The following AP1AR variants were observed in gnomAD, a reference collection of about 807,000 sequenced individuals.
AP1AR encodes adaptor related protein complex 1 associated regulatory protein, also known as AP-1 complex-associated regulatory protein.
A neutral mutation model predicts 46.3 loss-of-function variants in AP1AR; 29 were observed. That is an observed-to-expected ratio of 0.63 (90% CI 0.47 to 0.85). The LOEUF (loss-of-function observed/expected upper bound fraction) is 0.85, where lower values mean the gene tolerates loss of function less well. Ranked by LOEUF, AP1AR falls within the 40% of genes least tolerant of loss-of-function variation. The pLI is 0.00. For missense variants in AP1AR, 357 were observed against 356.3 expected, an observed-to-expected ratio of 1.00 and a Z score of -0.02; for synonymous variants, 122 against 122.9, an observed-to-expected ratio of 0.99 and a Z score of 0.05.
rs1194236697 is a variant in AP1AR, at chr4:112,270,020, G to A, written c.*1611G>A. The A allele has an allele frequency of 1.3e-5, 2 of 152,448 alleles. No individual in the cohort carries two copies. Among genetic ancestry groups the A allele is most frequent in the Non-Finnish European group, 2.9e-5 (2 of 67,960 alleles). The allele number at this position is 152,448 out of a possible 1,614,324, so 9.4% of individuals were successfully genotyped here. Reference sequence around the variant, plus strand: ...TGGTAACAAATGGTAATTTACAAATGGTTGTGAATAAACACATTTTTACAC... The same window carrying A: ...TGGTAACAAATGGTAATTTACAAATAGTTGTGAATAAACACATTTTTACAC... On this transcript the variant is annotated 3_prime_UTR_variant, in exon 10 of 10. Coordinates refer to ENST00000274000, the MANE Select transcript of AP1AR (RefSeq NM_018569.6).
chr4:112,253,359 C>T, intron 2 of AP1AR, 103 bp downstream of exon 2: 2 of 803,028 alleles, frequency 2.5e-6, no homozygotes, highest in Non-Finnish European at 4.2e-6. Context: ...TTAGAATGGA[C>T]TGTTTATATT....
intron 1 of AP1AR, among the ~76,000 whole-genome samples, chr4:112,233,250 CTCAT>C (rs1316713424): frequency 2.4e-4 from 37 of 152,252 alleles, no homozygotes; most frequent in Admixed American, 9.1e-4. Flanking sequence ...ATATAGGATT[CTCAT>C]TCATTAATTA....
Position 112,268,591 on chromosome 4 carries a change from A to G in AP1AR, c.*182A>G. ...CTGAATTGATACAGAATTAAGTGCA[A>G]TTTCATCATCTGCCTTCTGCTTTTC... On this transcript the variant is annotated 3_prime_UTR_variant, in exon 10 of 10. Transcript: ENST00000274000. 2.0e-6 allele frequency: 1 copy of G among 492,582 alleles called. No individual in the cohort carries two copies. Among genetic ancestry groups the G allele is most frequent in the Non-Finnish European group, 3.3e-6 (1 of 305,370 alleles). The allele number at this position is 492,582 out of a possible 1,614,324, so 30.5% of individuals were successfully genotyped here.
At position 112,272,511 on chromosome 4, in the gene AP1AR, A is replaced by G. The variant is rs530270098; in HGVS notation, c.*4102A>G. ...CTAAGAGAGCATGTGCATAACTTCA[A>G]TCACCAAAAGGCCCTTCCAGATACT... On this transcript the variant is annotated 3_prime_UTR_variant, in exon 10 of 10. Coordinates refer to ENST00000274000, the MANE Select transcript of AP1AR (RefSeq NM_018569.6). 4.6e-5 allele frequency among the ~76,000 whole-genome samples: 7 copies of G among 152,276 alleles called. No homozygotes were observed. In the South Asian group the frequency reaches 6.2e-4, roughly 14 times the overall value.
At chr4:112,239,148 C>T (rs1352808952) in intron 1 of AP1AR, among the ~76,000 whole-genome samples, 2 of 152,138 alleles carry the variant, frequency 1.3e-5, no homozygotes, top group Non-Finnish European at 2.9e-5. Context: ...CTGATACGCC[C>T]TTTTGAACTT....
In AP1AR at chr4:112,269,541, A is replaced by C. The variant is rs891010310; in HGVS notation, c.*1132A>C. The C allele has an allele frequency of 6.6e-6, 1 of 152,406 alleles. No individual in the cohort carries two copies. The highest frequency in any genetic ancestry group is 2.4e-5 in the African/African-American group (1 of 41,426). 9.4% of individuals were successfully genotyped at this position (152,406 alleles called of 1,614,324 possible). A position where few individuals can be genotyped will look rare whatever the true frequency, so the allele number is the denominator to read the frequency against. ...AGGATTTGGTATGATTTTAGTAAGC[A>C]AACTGTTTTTTGGTTTTTCCTTAAT... is the stretch of plus-strand genomic sequence containing the variant. On this transcript the variant is annotated 3_prime_UTR_variant, in exon 10 of 10. Coordinates refer to ENST00000274000, the MANE Select transcript of AP1AR (RefSeq NM_018569.6).
Position 112,232,028 on chromosome 4 carries a change from C to T in AP1AR, c.-64C>T. On this transcript the variant is annotated 5_prime_UTR_variant, in exon 1 of 10. Coordinates refer to ENST00000274000, the MANE Select transcript of AP1AR (RefSeq NM_018569.6). ...GCTCGTGCCGTGCGGATGCAGCTGCCGGGCCTGGGTTTGGGCATTGAGCGG... is the reference window on the plus strand; with the variant it reads ...GCTCGTGCCGTGCGGATGCAGCTGCTGGGCCTGGGTTTGGGCATTGAGCGG... 3 of 1,298,374 alleles carry T rather than the reference C, an allele frequency of 2.3e-6. No individual in the cohort carries two copies. The highest frequency in any genetic ancestry group is 4.0e-5 in the Admixed American group (1 of 25,164). 80.4% of individuals were successfully genotyped at this position (1,298,374 alleles called of 1,614,324 possible). A position where few individuals can be genotyped will look rare whatever the true frequency, so the allele number is the denominator to read the frequency against.
In AP1AR at chr4:112,254,758, A is replaced by G. The variant is rs772923933; in HGVS notation, c.144A>G (p.Leu48=). 1.3e-6 allele frequency: 2 copies of G among 1,505,446 alleles called. No individual in the cohort carries two copies. Among genetic ancestry groups the G allele is most frequent in the South Asian group, 1.3e-5 (1 of 76,410 alleles). 93.3% of individuals were successfully genotyped at this position (1,505,446 alleles called of 1,614,324 possible). A position where few individuals can be genotyped will look rare whatever the true frequency, so the allele number is the denominator to read the frequency against. Reference sequence around the variant, plus strand: ...TTTTGTCCTTTCAGTTTGAGAATCTAGTAGAAAGTGATGAAGTAAGTATTT... The same window carrying G: ...TTTTGTCCTTTCAGTTTGAGAATCTGGTAGAAAGTGATGAAGTAAGTATTT... ...GEHLTIEFEN[L]VESDEGESPG... is the part of the protein sequence containing the mutation. Residue 48 remains leucine (L), a synonymous_variant, in exon 3 of 10, where the codon CTA becomes CTG. Coordinates refer to ENST00000274000, the MANE Select transcript of AP1AR (RefSeq NM_018569.6).
intron 2 of AP1AR, 54 bp downstream of exon 2, chr4:112,253,310 G>A: frequency 7.2e-7 from 1 of 1,379,922 alleles, no homozygotes; most frequent in Non-Finnish European, 1.0e-6. Context: ...AGGCGGAAGG[G>A]GCTTTTTGTT....
intron 6 of AP1AR, among the ~76,000 whole-genome samples, chr4:112,264,605 A>G (rs1367389669): frequency 6.6e-6 from 1 of 152,114 alleles, no homozygotes; most frequent in African/African-American, 2.4e-5. Context: ...CAGATCTTAT[A>G]AATCTGTTGT....
At chr4:112,260,949 C>T (rs1726416703) in intron 5 of AP1AR, 87 bp downstream of exon 5, 1 of 795,648 alleles carries the variant, frequency 1.3e-6, no homozygotes, top group South Asian at 2.4e-5. Context: ...GTCTTTGGAC[C>T]TATATTTAGA....
intron 4 of AP1AR, among the ~76,000 whole-genome samples, chr4:112,260,002 A>C (rs926243548): frequency 1.3e-5 from 2 of 152,200 alleles, no homozygotes; most frequent in African/African-American, 2.4e-5. Flanking sequence ...GAAGATTTTT[A>C]ATTTGGTAGT....
intron 4 of AP1AR, among the ~76,000 whole-genome samples, chr4:112,259,638 TCTTC>T (rs1187734843): frequency 1.3e-5 from 2 of 152,126 alleles, no homozygotes; most frequent in African/African-American, 4.8e-5. Context: ...GTTTCTTCTT[TCTTC>T]CTTCCTTCCT....
chr4:112,234,008 G>A (rs1264527954), intron 1 of AP1AR, among the ~76,000 whole-genome samples: 2 of 152,256 alleles, frequency 1.3e-5, no homozygotes, highest in South Asian at 2.1e-4. Flanking sequence ...GCAGGCGCCC[G>A]CCACCATGCC....
rs1491003448 is a variant in AP1AR at position 112,269,332 on chromosome 4, G to C, written c.*923G>C. 6.6e-6 allele frequency: 1 copy of C among 152,258 alleles called. No homozygotes were observed. The highest frequency in any genetic ancestry group is 1.5e-5 in the Non-Finnish European group (1 of 67,828). The allele number at this position is 152,258 out of a possible 1,614,324, so 9.4% of individuals were successfully genotyped here. ...CCTTTCTGGTATGAAAGGCTCCATT[G>C]ATTTTATTAAGCCTTCCTTTACCTT... On this transcript the variant is annotated 3_prime_UTR_variant, in exon 10 of 10. Transcript: ENST00000274000.
In AP1AR at chr4:112,263,055, C is replaced by T; in HGVS notation, c.350C>T (p.Ala117Val). ...EALYAAQREAARAAKQRKLLE... is the reference protein window; with the variant it reads ...EALYAAQREAVRAAKQRKLLE... The stretch of plus-strand genomic sequence containing the variant: ...TTATACGCTGCACAGCGTGAAGCAG[C>T]CAGGGCAGCAAAGCAGCGAAAGCTC... Residue 117 changes from alanine to valine, a missense_variant, in exon 6 of 10, where the codon GCC becomes GTC. Physicochemically the swap from Ala to Val is moderately conservative, Grantham distance 64. Coordinates refer to ENST00000274000, the MANE Select transcript of AP1AR (RefSeq NM_018569.6). 1 of 1,613,580 alleles carries T rather than the reference C, an allele frequency of 6.2e-7. No homozygotes were observed. Among genetic ancestry groups the T allele is most frequent in the Non-Finnish European group, 8.5e-7 (1 of 1,179,716 alleles).
At chr4:112,252,310 T>C (rs1349210683) in intron 1 of AP1AR, among the ~76,000 whole-genome samples, 1 of 152,218 alleles carries the variant, frequency 6.6e-6, no homozygotes, top group African/African-American at 2.4e-5. Flanking sequence ...CTTAAAAGTG[T>C]GCTTTCTGTC....
chr4:112,253,148 A>G (rs1288590985), intron 1 of AP1AR, 60 bp from the exon 2 acceptor site: 6 of 1,262,728 alleles, frequency 4.8e-6, no homozygotes, highest in Admixed American at 3.8e-5. Flanking sequence ...TTTATGCTAT[A>G]TATTAATTCA....
At chr4:112,235,963 A>G (rs1384799355) in intron 1 of AP1AR, among the ~76,000 whole-genome samples, 1 of 151,942 alleles carries the variant, frequency 6.6e-6, no homozygotes, top group Admixed American at 6.6e-5. Flanking sequence ...TACTCTGTCT[A>G]TTAAATGTGG....
Sources: gnomAD v4.1 joint callset for allele counts (sites outside exome capture counted in the v4.1 genomes callset) on GRCh38, gnomAD v4.1.1 for gene constraint, MANE v1.5 for transcripts, NCBI Gene and HGNC (gene_info 2026-07-23, HGNC 2026-07-21) for gene names.